The following MEP1A variants were observed in gnomAD, a reference collection of about 807,000 sequenced individuals.
The protein encoded by MEP1A is N-benzoyl-L-tyrosyl-P-amino-benzoic acid hydrolase subunit alpha.
MEP1A carries 68 observed loss-of-function variants against 84.5 expected under a neutral mutation model. That is an observed-to-expected ratio of 0.80 (90% CI 0.66 to 0.98). MEP1A has a LOEUF of 0.98. Ranked by LOEUF, MEP1A falls within the 50% of genes least tolerant of loss-of-function variation. MEP1A has a pLI of 0.00. For missense variants in MEP1A, 887 were observed against 919.9 expected, an observed-to-expected ratio of 0.96 and a Z score of 0.46; for synonymous variants, 337 against 336.8, an observed-to-expected ratio of 1.00 and a Z score of -0.01.
chr6:46,828,525 G>C (rs1368511256), intron 9 of MEP1A, among the ~76,000 whole-genome samples: 1 of 152,102 alleles, frequency 6.6e-6, no homozygotes, highest in African/African-American at 2.4e-5. Flanking sequence ...TTTATCTTGT[G>C]AAATGTTTTG....
At chr6:46,830,028 T>A (rs1768044240) in intron 10 of MEP1A, among the ~76,000 whole-genome samples, 1 of 151,990 alleles carries the variant, frequency 6.6e-6, no homozygotes, top group Non-Finnish European at 1.5e-5. Context: ...GCCTTGTGGA[T>A]CACAAGGTCA....
Position 46,819,531 on chromosome 6 carries a change from G to T in MEP1A, c.383G>T (p.Cys128Phe). The change falls in exon 7 of 14, where the codon TGC (cysteine) becomes TTC (phenylalanine). Residue 128 changes from cysteine (C) to phenylalanine (F), a missense_variant and splice_region_variant. By Grantham distance (205) the Cys-to-Phe change is radical (BLOSUM62 -2). Transcript: ENST00000230588. The stretch of plus-strand genomic sequence containing the variant: ...TTTTCCTCTTCTCCTCTTTAAAGGT[G>T]CTGGTCTGAGGTTGGTGACCAACAT... ...SYIIFQQFDG[C>F]WSEVGDQHVG... The T allele has an allele frequency of 6.2e-7, 1 of 1,607,144 alleles. No individual in the cohort carries two copies. The highest frequency in any genetic ancestry group is 8.5e-7 in the Non-Finnish European group (1 of 1,175,864).
chr6:46,798,721 C>G (rs1767123434), intron 4 of MEP1A, 75 bp downstream of exon 4: 1 of 1,303,192 alleles, frequency 7.7e-7, no homozygotes, highest in Admixed American at 1.7e-5. Flanking sequence ...TGCTCTGCGG[C>G]CAGCCCTGGG....
chr6:46,829,396 C>A lies in MEP1A; in HGVS notation c.969C>A (p.Ser323=), dbSNP rs1366909378. 1 of 1,613,914 alleles carries A rather than the reference C, an allele frequency of 6.2e-7. No homozygotes were observed. The change falls in exon 10 of 14, where the codon TCC becomes TCA. Residue 323 remains serine (S), a synonymous_variant. Transcript: ENST00000230588. ...TGCAGTTCAGCACCAGCTCGGGGTC[C>A]GCGGAAGAGGCAGCCCTACTGGAGT... is the stretch of plus-strand genomic sequence containing the variant. The part of the protein sequence containing the change: ...YFMQFSTSSG[S]AEEAALLESR...
chr6:46,826,998 A>G (rs900470124), intron 9 of MEP1A, among the ~76,000 whole-genome samples: 24 of 152,230 alleles, frequency 1.6e-4, no homozygotes, highest in African/African-American at 4.3e-4. Flanking sequence ...AGTTATTATG[A>G]GATGCTTCAC....
chr6:46,812,473 G>A (rs1394701121), intron 6 of MEP1A, among the ~76,000 whole-genome samples: 2 of 151,576 alleles, frequency 1.3e-5, no homozygotes, highest in African/African-American at 4.8e-5. Context: ...TCATTTAGTT[G>A]TGCTCTGATA....
Position 46,833,219 on chromosome 6 carries a change from C to G in MEP1A, c.1290C>G (p.Pro430=), listed in dbSNP as rs748063486. ...YLDDITLTET[P]CPTGVWTVRN... Reference sequence around the variant, plus strand: ...ATGACATCACTCTGACAGAAACCCCCTGCCCCACAGGGGTCTGGACAGTCC... The same window carrying G: ...ATGACATCACTCTGACAGAAACCCCGTGCCCCACAGGGGTCTGGACAGTCC... The change falls in exon 11 of 14, where the codon CCC becomes CCG. Residue 430 remains proline (P), a synonymous_variant. Coordinates refer to ENST00000230588, the MANE Select transcript of MEP1A (RefSeq NM_005588.3). 1.3e-5 allele frequency: 21 copies of G among 1,613,182 alleles called. No individual in the cohort carries two copies. Among genetic ancestry groups the G allele is most frequent in the Middle Eastern group, 1.7e-4 (1 of 6,050 alleles).
intron 8 of MEP1A, 53 bp downstream of exon 8, chr6:46,825,546 A>G (rs1767922219): frequency 3.2e-6 from 4 of 1,234,140 alleles, no homozygotes; most frequent in Non-Finnish European, 4.6e-6. Context: ...CAGAGATTCC[A>G]TCAGCCTTAG....
At chr6:46,807,841 AAG>A (rs1767401822) in intron 5 of MEP1A, among the ~76,000 whole-genome samples, 1 of 102,748 alleles carries the variant, frequency 9.7e-6, no homozygotes, top group South Asian at 3.4e-4. Flanking sequence ...GAAAGAAAGG[AAG>A]AAAGGAAATA....
chr6:46,825,349 A>T lies in MEP1A; in HGVS notation c.634A>T (p.Met212Leu), dbSNP rs564075195. The change falls in exon 8 of 14, where the codon ATG becomes TTG. Residue 212 changes from methionine (M) to leucine (L), a missense_variant. Transcript: ENST00000230588. ...TACACCCTATGATTATGAGTCTTTG[A>T]TGCACTACCAGCCTTTCTCATTTAA... ...LNTPYDYESL[M>L]HYQPFSFNKN... 1.2e-6 allele frequency: 2 copies of T among 1,613,612 alleles called. No individual in the cohort carries two copies. Among genetic ancestry groups the T allele is most frequent in the East Asian group, 4.5e-5 (2 of 44,856 alleles).
chr6:46,803,834 T>A (rs750060353), intron 5 of MEP1A, among the ~76,000 whole-genome samples: 2 of 151,672 alleles, frequency 1.3e-5, no homozygotes, highest in African/African-American at 2.4e-5. Flanking sequence ...CTTCATAATT[T>A]ATCTTGTGAA....
chr6:46,829,502 G>A lies in MEP1A; in HGVS notation c.1075G>A (p.Val359Ile), dbSNP rs748833380. The A allele has an allele frequency of 8.1e-6, 13 of 1,613,972 alleles. No homozygotes were observed. Among genetic ancestry groups the A allele is most frequent in the Non-Finnish European group, 4.2e-6 (5 of 1,179,928 alleles). Reference sequence around the variant, plus strand: ...GACGGGAAGTCCTTCAGACAGACTCGTTGTCTGGGTCAGGAGGGATGACAG... The same window carrying A: ...GACGGGAAGTCCTTCAGACAGACTCATTGTCTGGGTCAGGAGGGATGACAG... ...KMTGSPSDRL[V>I]VWVRRDDSTG... Residue 359 changes from valine to isoleucine, a missense_variant, in exon 10 of 14, where the codon GTT becomes ATT. By Grantham distance (29) the Val-to-Ile change is conservative. Coordinates refer to ENST00000230588, the MANE Select transcript of MEP1A (RefSeq NM_005588.3).
At chr6:46,844,314 A>G (rs1025737700), downstream of MEP1A, among the ~76,000 whole-genome samples, 5 of 152,150 alleles carry the variant, frequency 3.3e-5, no homozygotes, top group Non-Finnish European at 5.9e-5. Context: ...AAGATTTGAT[A>G]TGGGTAGGGC....
At chr6:46,843,961 G>A (rs1768375568), downstream of MEP1A, among the ~76,000 whole-genome samples, 1 of 152,274 alleles carries the variant, frequency 6.6e-6, no homozygotes, top group Admixed American at 6.5e-5. Flanking sequence ...GGTTTGGAAG[G>A]TGCTATAAAA....
At chr6:46,794,665 G>A (rs539036665) in intron 3 of MEP1A, among the ~76,000 whole-genome samples, 1 of 152,216 alleles carries the variant, frequency 6.6e-6, no homozygotes, top group Non-Finnish European at 1.5e-5. Context: ...CTGGAGAATG[G>A]CTGCATAGGC....
Position 46,813,339 on chromosome 6 carries a change from T to C in MEP1A, c.380+3802T>C, listed in dbSNP as rs547248140. On this transcript the variant is annotated intron_variant, in intron 6 of 13. Transcript: ENST00000230588. ...AAAAATTATTTGAACTGAATGATAA[T>C]AGTGACACAACCTATCAAAACCTCT... 2.0e-5 allele frequency among the ~76,000 whole-genome samples: 3 copies of C among 152,222 alleles called. 1 individual carries two copies. In the East Asian group the frequency reaches 5.8e-4, roughly 29 times the overall value.
At chr6:46,799,014 G>A in intron 4 of MEP1A, 92 bp from the exon 5 acceptor site, 1 of 795,056 alleles carries the variant, frequency 1.3e-6, no homozygotes, top group Admixed American at 1.9e-5. Flanking sequence ...TTGTGTGATA[G>A]ACTGTTTGCT....
At chr6:46,805,516 C>A (rs187669451) in intron 5 of MEP1A, among the ~76,000 whole-genome samples, 3 of 151,674 alleles carry the variant, frequency 2.0e-5, no homozygotes, top group South Asian at 4.1e-4. Context: ...GTATTGAGTT[C>A]TAAGTGTTCT....
At chr6:46,809,388 A>G (rs752765977) in intron 5 of MEP1A, 32 bp from the exon 6 acceptor site, 14 of 1,346,918 alleles carry the variant, frequency 1.0e-5, no homozygotes, top group African/African-American at 5.8e-5. Context: ...GGTCCAAATA[A>G]TGCTCATTGA....
Sources: allele counts gnomAD v4.1 joint callset (sites outside exome capture counted in the v4.1 genomes callset), GRCh38; gene constraint gnomAD v4.1.1; transcripts MANE v1.5; gene names NCBI Gene and HGNC (gene_info 2026-07-23, HGNC 2026-07-21).